NLK: variants seen among roughly 807,000 people sequenced by gnomAD.
NLK encodes serine/threonine-protein kinase NLK.
NLK carries 11 observed loss-of-function variants against 59.0 expected under a neutral mutation model. That is an observed-to-expected ratio of 0.19 (90% CI 0.12 to 0.31). The LOEUF is 0.31. NLK is among the 10% of genes least tolerant of loss of function. The pLI, the probability that NLK is intolerant of heterozygous loss-of-function variation, is 1.00. For synonymous variants in NLK, 235 were observed against 235.9 expected (o/e 1.00, Z 0.03); for missense variants, 410 against 661.1 (o/e 0.62, Z 4.16).
At chr17:28,132,850 A>G (rs1335388633) in intron 3 of NLK, among the ~76,000 whole-genome samples, 175 bp downstream of exon 3, 2 of 152,220 alleles carry the variant, frequency 1.3e-5, no homozygotes, top group African/African-American at 2.4e-5. Context: ...GCTCAGTATT[A>G]TCAACATATC....
intron 1 of NLK, among the ~76,000 whole-genome samples, chr17:28,056,046 G>A (rs1258155255): frequency 6.6e-6 from 1 of 152,196 alleles, no homozygotes; most frequent in Non-Finnish European, 1.5e-5. Context: ...AAAAACAGTT[G>A]TTTGTAACCT....
intron 1 of NLK, chr17:28,061,895 A>G (rs185259612): frequency 1.5e-4 from 21 of 142,482 alleles, no homozygotes; most frequent in Non-Finnish European, 2.6e-4. Flanking sequence ...ACATATATAC[A>G]TATACATACA....
At position 28,149,984 on chromosome 17, in the gene NLK, A is replaced by G. The variant is rs137900535; in HGVS notation, c.645-11176A>G. Among the ~76,000 whole-genome samples the G allele has an allele frequency of 3.4e-3, 517 of 152,324 alleles. 3 individuals are homozygous for G. The highest frequency in any genetic ancestry group is 0.012 in the African/African-American group (486 of 41,570). On this transcript the variant is annotated intron_variant, in intron 3 of 10. Transcript: ENST00000407008. Reference sequence around the variant, plus strand: ...GCCTGGTTTTTGCAGCATTCGAGTAATGGCAGTCTCATGTATTTCATTTTC... The same window carrying G: ...GCCTGGTTTTTGCAGCATTCGAGTAGTGGCAGTCTCATGTATTTCATTTTC...
intron 4 of NLK, among the ~76,000 whole-genome samples, chr17:28,161,994 A>G (rs1228116455): frequency 6.6e-6 from 1 of 152,154 alleles, no homozygotes. Context: ...ATTGAAAAAT[A>G]AATGCCAAAA....
chr17:28,111,974 A>G lies in NLK; in HGVS notation c.459-10629A>G, dbSNP rs190804884. 6.8e-4 allele frequency among the ~76,000 whole-genome samples: 92 copies of G among 135,596 alleles called. 2 individuals are homozygous for G. Among genetic ancestry groups the G allele is most frequent in the African/African-American group, 2.2e-3 (80 of 35,660 alleles). 89.0% of individuals were successfully genotyped at this position (135,596 alleles called of 152,430 possible). A position where few individuals can be genotyped will look rare whatever the true frequency, so the allele number is the denominator to read the frequency against. ...GTGTAGGGAGAGCATGTAGTTTTCA[A>G]ATATGCCCAGCTTTTATTTTCTGCT... On this transcript the variant is annotated intron_variant, in intron 1 of 10. Coordinates refer to ENST00000407008, the MANE Select transcript of NLK (RefSeq NM_016231.5).
At chr17:28,166,792 C>G (rs1424347179) in intron 5 of NLK, among the ~76,000 whole-genome samples, 1 of 152,120 alleles carries the variant, frequency 6.6e-6, no homozygotes, top group Non-Finnish European at 1.5e-5. Context: ...GCAGAAATAG[C>G]AAGAAAAGAT....
chr17:28,093,696 G>A (rs1904594857), intron 1 of NLK, among the ~76,000 whole-genome samples: 1 of 152,130 alleles, frequency 6.6e-6, no homozygotes, highest in Admixed American at 6.5e-5. Flanking sequence ...AAACTACTTG[G>A]GAGTTGTACG....
At chr17:28,157,486 C>T (rs921842447) in intron 3 of NLK, among the ~76,000 whole-genome samples, 3 of 151,982 alleles carry the variant, frequency 2.0e-5, no homozygotes, top group South Asian at 2.1e-4. Context: ...CCACCGCACC[C>T]GGCCTATTTC....
intron 1 of NLK, among the ~76,000 whole-genome samples, chr17:28,104,586 TG>T (rs1376966714): frequency 6.6e-6 from 1 of 151,954 alleles, no homozygotes; most frequent in Admixed American, 6.6e-5. Context: ...ATGTTGTAAG[TG>T]GTAAATTCAG....
chr17:28,063,015 C>T (rs1597659462), intron 1 of NLK, among the ~76,000 whole-genome samples: 1 of 152,118 alleles, frequency 6.6e-6, no homozygotes, highest in Non-Finnish European at 1.5e-5. Flanking sequence ...ACTGTAGCCT[C>T]AAGCTGCCCA....
chr17:28,122,844 C>A, intron 2 of NLK, 112 bp downstream of exon 2: 2 of 1,204,606 alleles, frequency 1.7e-6, no homozygotes, highest in Non-Finnish European at 2.4e-6. Context: ...TGGAAATTGG[C>A]TATAGTTTTA....
At chr17:28,187,766 TG>T (rs554948106) in intron 8 of NLK, among the ~76,000 whole-genome samples, 1 of 152,148 alleles carries the variant, frequency 6.6e-6, no homozygotes, top group Non-Finnish European at 1.5e-5. Flanking sequence ...TCCTTAACAG[TG>T]GGATTATCAC....
chr17:28,071,831 A>C (rs1437010761), intron 1 of NLK, among the ~76,000 whole-genome samples: 1 of 152,224 alleles, frequency 6.6e-6, no homozygotes, highest in Non-Finnish European at 1.5e-5. Flanking sequence ...AAGGTTGCTA[A>C]AAGATTATTT....
chr17:28,047,787 C>T (rs1478563981), intron 1 of NLK: 1 of 389,652 alleles, frequency 2.6e-6, no homozygotes, highest in Non-Finnish European at 4.5e-6. Flanking sequence ...GGTCCTCTTA[C>T]TCCACATAAC....
intron 1 of NLK, among the ~76,000 whole-genome samples, chr17:28,119,503 G>A (rs780884623): frequency 2.6e-5 from 4 of 152,134 alleles, no homozygotes; most frequent in Non-Finnish European, 5.9e-5. Flanking sequence ...TCAGAAGTTA[G>A]GAAGAAGTAT....
At chr17:28,153,762 AT>A (rs1907584789) in intron 3 of NLK, among the ~76,000 whole-genome samples, 1 of 152,176 alleles carries the variant, frequency 6.6e-6, no homozygotes. Context: ...ACTCAAGAAT[AT>A]TGGGACTTCT....
intron 1 of NLK, among the ~76,000 whole-genome samples, chr17:28,104,215 A>G (rs1341684860): frequency 6.6e-6 from 1 of 152,108 alleles, no homozygotes; most frequent in Non-Finnish European, 1.5e-5. Context: ...TTGCTTTATC[A>G]AAGTGGGGCC....
In NLK at chr17:28,189,675, G is replaced by T. The variant is rs544683088; in HGVS notation, c.1237-1346G>T. 3.3e-5 allele frequency among the ~76,000 whole-genome samples: 5 copies of T among 152,308 alleles called. No individual in the cohort carries two copies. The South Asian group carries it at 1.0e-3, about 32-fold the overall frequency. ...ACTGTCAGCCTACTTGTTCCTTTGG[G>T]TTCAAACAGTGGAACACTATCCCAG... On this transcript the variant is annotated intron_variant, in intron 8 of 10. Coordinates refer to ENST00000407008, the MANE Select transcript of NLK (RefSeq NM_016231.5).
chr17:28,187,575 C>A (rs1909164989), intron 8 of NLK, among the ~76,000 whole-genome samples: 1 of 152,178 alleles, frequency 6.6e-6, no homozygotes, highest in Non-Finnish European at 1.5e-5. Context: ...GCTGGGATTA[C>A]AGGCATGAGC....
Sources: allele counts gnomAD v4.1 joint callset (sites outside exome capture counted in the v4.1 genomes callset), GRCh38; gene constraint gnomAD v4.1.1; transcripts MANE v1.5; gene names NCBI Gene and HGNC (gene_info 2026-07-23, HGNC 2026-07-21).